CDH4: variants seen among roughly 807,000 people sequenced by gnomAD.
CDH4 encodes cadherin 4, also known as cadherin-4.
Under a neutral mutation model 86.0 loss-of-function variants are expected in CDH4, and 33 were observed. That is an observed-to-expected ratio of 0.38 (90% CI 0.29 to 0.51). CDH4 has a LOEUF of 0.51. Ranked by LOEUF, CDH4 falls within the 20% of genes least tolerant of loss-of-function variation. The probability of loss-of-function intolerance (pLI) is 0.86; values close to 1 mark genes in which losing one functional copy is unlikely to be tolerated. For synonymous variants in CDH4, 555 were observed against 549.4 expected, an observed-to-expected ratio of 1.01 and a Z score of -0.14; for missense variants, 1,114 against 1,307.4, an observed-to-expected ratio of 0.85 and a Z score of 2.28.
intron 2 of CDH4, among the ~76,000 whole-genome samples, chr20:61,486,903 A>T (rs2085599899): frequency 2.0e-5 from 3 of 152,082 alleles, no homozygotes; most frequent in African/African-American, 7.2e-5. Context: ...AAATAATAAA[A>T]TAATAATGAG....
At chr20:61,735,375 C>T (rs1481512433) in intron 2 of CDH4, among the ~76,000 whole-genome samples, 2 of 152,220 alleles carry the variant, frequency 1.3e-5, no homozygotes, top group East Asian at 3.8e-4. Flanking sequence ...CACCGTCACC[C>T]CAAGGGAAAC....
chr20:61,403,003 G>A (rs997727959), intron 2 of CDH4, among the ~76,000 whole-genome samples: 4 of 152,212 alleles, frequency 2.6e-5, no homozygotes, highest in African/African-American at 9.6e-5. Context: ...CTGTCACTAA[G>A]TGCTGACCAC....
chr20:61,818,723 G>A (rs548041940), intron 4 of CDH4, among the ~76,000 whole-genome samples: 4 of 149,306 alleles, frequency 2.7e-5, no homozygotes, highest in African/African-American at 4.9e-5. Flanking sequence ...GTTGCTCTCC[G>A]CGTCTTGTAT....
intron 3 of CDH4, among the ~76,000 whole-genome samples, chr20:61,759,100 G>A (rs1011401718): frequency 6.6e-6 from 1 of 152,300 alleles, no homozygotes; most frequent in East Asian, 1.9e-4. Flanking sequence ...GCGCACACAC[G>A]TCTATATACA....
chr20:61,258,346 G>GAA (rs1234257125), intron 2 of CDH4, among the ~76,000 whole-genome samples: 10 of 42,792 alleles, frequency 2.3e-4, no homozygotes, highest in Admixed American at 9.6e-4. Flanking sequence ...AAAAAAAAAA[G>GAA]AAAAAAAAAA....
intron 2 of CDH4, among the ~76,000 whole-genome samples, chr20:61,319,980 T>C (rs1176501514): frequency 3.3e-5 from 5 of 151,820 alleles, no homozygotes. Context: ...GGTGAATAGA[T>C]TCTGAAGATC....
At chr20:61,401,205 C>CA (rs1438152105) in intron 2 of CDH4, among the ~76,000 whole-genome samples, 18 of 152,212 alleles carry the variant, frequency 1.2e-4, no homozygotes, top group African/African-American at 4.3e-4. Context: ...AGCCTCTTCC[C>CA]ATGCAACCTG....
intron 2 of CDH4, among the ~76,000 whole-genome samples, chr20:61,294,788 G>T (rs2084342931): frequency 6.6e-6 from 1 of 152,250 alleles, no homozygotes; most frequent in Non-Finnish European, 1.5e-5. Context: ...TGTGTGTGAG[G>T]CCTGAGGACA....
At position 61,377,594 on chromosome 20, in the gene CDH4, C is replaced by G. The variant is rs751176549; in HGVS notation, c.169+122657C>G. On this transcript the variant is annotated intron_variant, in intron 2 of 15. Coordinates refer to ENST00000614565, the MANE Select transcript of CDH4 (RefSeq NM_001794.5). The surrounding 1 kb of genome is among the most constrained non-coding windows in gnomAD (Gnocchi z 4.0). Reference sequence around the variant, plus strand: ...TGGTGCTTTTCTGTAGTCAACGAGTCGCTTTAGCTTTCAAACAACTGTAGT... The same window carrying G: ...TGGTGCTTTTCTGTAGTCAACGAGTGGCTTTAGCTTTCAAACAACTGTAGT... Among the ~76,000 whole-genome samples the G allele has an allele frequency of 6.6e-6, 1 of 152,182 alleles. No homozygotes were observed. The highest frequency in any genetic ancestry group is 1.5e-5 in the Non-Finnish European group (1 of 68,026).
intron 2 of CDH4, among the ~76,000 whole-genome samples, chr20:61,670,135 C>T (rs963726658): frequency 7.9e-5 from 12 of 152,224 alleles, no homozygotes; most frequent in Non-Finnish European, 1.6e-4. Context: ...AGCTGGACAG[C>T]ATGGCTGCCA....
chr20:61,589,811 A>G (rs543528165), intron 2 of CDH4, among the ~76,000 whole-genome samples: 5 of 151,618 alleles, frequency 3.3e-5, no homozygotes, highest in Non-Finnish European at 7.4e-5. Context: ...TAAAACTTAA[A>G]GTATAATAAT....
At chr20:61,846,456 C>G (rs1484486543) in intron 5 of CDH4, among the ~76,000 whole-genome samples, 1 of 152,108 alleles carries the variant, frequency 6.6e-6, no homozygotes, top group Admixed American at 6.5e-5. Flanking sequence ...ACTCAACAGC[C>G]CTTACTGCCA....
At chr20:61,565,255 T>TA (rs2086273716) in intron 2 of CDH4, among the ~76,000 whole-genome samples, 3 of 82,476 alleles carry the variant, frequency 3.6e-5, no homozygotes, top group Admixed American at 1.3e-4. Flanking sequence ...GTGCTCTTGG[T>TA]GATGGTGGTG....
chr20:61,702,436 AGAC>A (rs1474127737), intron 2 of CDH4, among the ~76,000 whole-genome samples: 2 of 152,226 alleles, frequency 1.3e-5, no homozygotes, highest in African/African-American at 4.8e-5. Context: ...CTCTGTAAAA[AGAC>A]GACAAGGGCC....
chr20:61,575,940 G>A (rs144716828), intron 2 of CDH4, among the ~76,000 whole-genome samples: 64 of 152,328 alleles, frequency 4.2e-4, no homozygotes, highest in Admixed American at 2.6e-3. Context: ...GGGCTGGAAA[G>A]ACAGGAAAGG....
rs376668938 is a variant in CDH4 at position 61,861,162 on chromosome 20, G to A, written c.877+8264G>A. The stretch of plus-strand genomic sequence containing the variant: ...GTGGGCTCCGCTGGTCTCCACCGAC[G>A]ATCCCTGCTTCTCTGCACCCAGGGG... On this transcript the variant is annotated intron_variant, in intron 6 of 15. Coordinates refer to ENST00000614565, the MANE Select transcript of CDH4 (RefSeq NM_001794.5). 5.9e-3 allele frequency among the ~76,000 whole-genome samples: 901 copies of A among 152,312 alleles called. 1 individual carries two copies. The highest frequency in any genetic ancestry group is 0.01 in the Non-Finnish European group (685 of 68,016).
At chr20:61,933,939 C>G in intron 14 of CDH4, 117 bp from the exon 15 acceptor site, 1 of 1,183,920 alleles carries the variant, frequency 8.4e-7, no homozygotes, top group Non-Finnish European at 1.2e-6. Flanking sequence ...TGCTTGGAGA[C>G]CAGGCCACAG....
At chr20:61,761,841 G>C (rs1457749576) in intron 3 of CDH4, among the ~76,000 whole-genome samples, 4 of 152,110 alleles carry the variant, frequency 2.6e-5, no homozygotes, top group Admixed American at 6.5e-5. Flanking sequence ...CCCAGACAGA[G>C]CACCTTTCCT....
rs1451703632 is a variant in CDH4 at position 61,932,556 on chromosome 20, TACACACATGA to T, written c.2240-422_2240-413del. Among the ~76,000 whole-genome samples, 7 of 152,002 alleles carry T rather than the reference TACACACATGA, an allele frequency of 4.6e-5. No individual in the cohort carries two copies. In the East Asian group the frequency reaches 1.4e-3, roughly 29 times the overall value. ...ACCTGTGCAGGCTTGTGTGTGCATC[TACACACATGA>T]ACACACGAGCACACACACAGATCTA... On this transcript the variant is annotated intron_variant, in intron 13 of 15. Coordinates refer to ENST00000614565, the MANE Select transcript of CDH4 (RefSeq NM_001794.5).
Sources: allele counts gnomAD v4.1 joint callset (sites outside exome capture counted in the v4.1 genomes callset), GRCh38; gene constraint gnomAD v4.1.1; non-coding constraint Gnocchi (gnomAD v3.1); transcripts MANE v1.5; gene names NCBI Gene and HGNC (gene_info 2026-07-23, HGNC 2026-07-21).